ETNK1: variants seen among roughly 807,000 people sequenced by gnomAD.
The protein encoded by ETNK1 is ethanolamine kinase 1.
In ETNK1, 8 loss-of-function variants were observed where a neutral mutation model predicts 45.1. That is an observed-to-expected ratio of 0.18 (90% CI 0.10 to 0.32). ETNK1 has a LOEUF of 0.32. ETNK1 is among the 10% of genes least tolerant of loss of function. The probability of loss-of-function intolerance (pLI) is 1.00; values close to 1 mark genes in which losing one functional copy is unlikely to be tolerated. For missense variants in ETNK1, 302 were observed against 430.6 expected (o/e 0.70, Z 2.64); for synonymous variants, 152 against 151.9 (o/e 1.00, Z -0.01).
chr12:22,684,323 C>T (rs12308546), intron 6 of ETNK1, among the ~76,000 whole-genome samples, 160 bp from the exon 7 acceptor site: 7,093 of 152,024 alleles, frequency 0.047, 544 homozygotes, highest in African/African-American at 0.16. Context: ...CTAGTGGGTG[C>T]AGACGTCAGT....
intron 4 of ETNK1, among the ~76,000 whole-genome samples, chr12:22,664,219 C>G (rs1954033345): frequency 6.6e-6 from 1 of 151,680 alleles, no homozygotes; most frequent in African/African-American, 2.4e-5. Flanking sequence ...AATATGCAAA[C>G]TAGTTATATG....
At position 22,688,926 on chromosome 12, in the gene ETNK1, CT is replaced by C. The variant is rs1213044177; in HGVS notation, c.*3976del. 6 of 151,790 alleles carry C rather than the reference CT, an allele frequency of 4.0e-5. No homozygotes were observed. Among genetic ancestry groups the C allele is most frequent in the African/African-American group, 7.2e-5 (3 of 41,412 alleles). 9.4% of individuals were successfully genotyped at this position (151,790 alleles called of 1,614,324 possible). A position where few individuals can be genotyped will look rare whatever the true frequency, so the allele number is the denominator to read the frequency against. ...AACCACCTTATTTTAAAATTTTTAA[CT>C]TTTATATACCACTTGTGTGATTCCA... is the stretch of plus-strand genomic sequence containing the variant. On this transcript the variant is annotated 3_prime_UTR_variant, in exon 8 of 8. Transcript: ENST00000266517.
chr12:22,680,174 C>G (rs1357429364), intron 6 of ETNK1, among the ~76,000 whole-genome samples: 2 of 152,138 alleles, frequency 1.3e-5, no homozygotes, highest in Non-Finnish European at 2.9e-5. Flanking sequence ...AAGTTCTGTT[C>G]TTGGTTCCTA....
At chr12:22,659,205 G>T in intron 3 of ETNK1, 51 bp downstream of exon 3, 1 of 1,533,838 alleles carries the variant, frequency 6.5e-7, no homozygotes, top group Non-Finnish European at 8.9e-7. Context: ...TTTGCTCTAT[G>T]ATAGGGTTTC....
At chr12:22,663,679 A>G (rs1315384048) in intron 4 of ETNK1, among the ~76,000 whole-genome samples, 1 of 152,156 alleles carries the variant, frequency 6.6e-6, no homozygotes, top group Admixed American at 6.5e-5. Flanking sequence ...AGTTACTTGA[A>G]TTATACTTTT....
At chr12:22,628,149 T>C (rs1309569604) in intron 1 of ETNK1, among the ~76,000 whole-genome samples, 1 of 152,120 alleles carries the variant, frequency 6.6e-6, no homozygotes, top group Non-Finnish European at 1.5e-5. Flanking sequence ...TATAAAGCAC[T>C]TTCACATGCA....
At position 22,684,895 on chromosome 12, in the gene ETNK1, C is replaced by T. The variant is rs1465224773; in HGVS notation, c.1033C>T (p.Arg345Cys). Reference sequence around the variant, plus strand: ...TTTTCTCACTAGGTATGCAATTGTTCGTTTTAACCAGTACTTTAAAATGAA... The same window carrying T: ...TTTTCTCACTAGGTATGCAATTGTTTGTTTTAACCAGTACTTTAAAATGAA... ...EFDFLGYAIV[R>C]FNQYFKMKPE... is the part of the protein sequence containing the mutation. Residue 345 changes from arginine to cysteine, a missense_variant, in exon 8 of 8, where the codon CGT (arginine) becomes TGT (cysteine). This residue lies in a region of ETNK1 where 94 missense variants were observed against 152.9 expected (regional missense o/e 0.61). Coordinates refer to ENST00000266517, the MANE Select transcript of ETNK1 (RefSeq NM_018638.5). 2 of 1,603,766 alleles carry T rather than the reference C, an allele frequency of 1.2e-6. No homozygotes were observed. Among genetic ancestry groups the T allele is most frequent in the Non-Finnish European group, 8.5e-7 (1 of 1,176,534 alleles).
intron 1 of ETNK1, among the ~76,000 whole-genome samples, chr12:22,630,555 C>T (rs1001647980): frequency 2.6e-5 from 4 of 152,132 alleles, no homozygotes; most frequent in Non-Finnish European, 4.4e-5. Context: ...GTAGCTTACT[C>T]ATCATTTAGG....
At chr12:22,660,034 T>TAAA (rs371874842) in intron 3 of ETNK1, among the ~76,000 whole-genome samples, 23 of 122,534 alleles carry the variant, frequency 1.9e-4, no homozygotes, top group Non-Finnish European at 3.0e-4. Flanking sequence ...ACACTACCTT[T>TAAA]AAAAAAAAAA....
At chr12:22,674,946 TA>T (rs945479596) in intron 6 of ETNK1, among the ~76,000 whole-genome samples, 7 of 151,976 alleles carry the variant, frequency 4.6e-5, no homozygotes, top group South Asian at 2.1e-4. Context: ...ATTGGAAGAA[TA>T]AAAAAAATGC....
rs554940154 is a variant in ETNK1, at chr12:22,681,910, AT to A, written c.946-2572del. ...ATTTTGCCTTTTCAGATAATTGTGG[AT>A]ATTCTTTTTTGATACTAGACCAAAG... On this transcript the variant is annotated intron_variant, in intron 6 of 7. Transcript: ENST00000266517. 3.6e-3 allele frequency among the ~76,000 whole-genome samples: 544 copies of A among 152,158 alleles called. 4 individuals carry two copies. The highest frequency in any genetic ancestry group is 0.013 in the African/African-American group (520 of 41,540).
chr12:22,631,474 G>A (rs981299897), intron 1 of ETNK1, among the ~76,000 whole-genome samples: 4 of 151,964 alleles, frequency 2.6e-5, no homozygotes, highest in African/African-American at 7.3e-5. Flanking sequence ...TGCGCCCGGT[G>A]GTAAGTATTC....
intron 2 of ETNK1, among the ~76,000 whole-genome samples, chr12:22,649,155 A>G (rs1053385474): frequency 1.3e-5 from 2 of 151,950 alleles, no homozygotes; most frequent in Admixed American, 6.6e-5. Flanking sequence ...TTTTCTTCCA[A>G]TCTGTGCTTT....
Position 22,673,619 on chromosome 12 carries a change from G to A in ETNK1, c.904G>A (p.Glu302Lys). 1 of 1,613,948 alleles carries A rather than the reference G, an allele frequency of 6.2e-7. No homozygotes were observed. Among genetic ancestry groups the A allele is most frequent in the Non-Finnish European group, 8.5e-7 (1 of 1,179,914 alleles). Reference protein sequence around the residue: ...KGFGTEVTEKEVEILFIQVNQ... With the variant: ...KGFGTEVTEKKVEILFIQVNQ... ...CTTTGGGACTGAAGTTACTGAAAAG[G>A]AGGTAGAAATACTCTTCATTCAAGT... Residue 302 changes from glutamate to lysine, a missense_variant, in exon 6 of 8, where the codon GAG becomes AAG. Around this residue, in one of 3 missense-constraint regions of ETNK1, gnomAD observed 94 missense variants for 152.9 expected, o/e 0.61. Coordinates refer to ENST00000266517, the MANE Select transcript of ETNK1 (RefSeq NM_018638.5).
At chr12:22,637,147 A>G (rs771523370) in intron 1 of ETNK1, among the ~76,000 whole-genome samples, 2 of 152,170 alleles carry the variant, frequency 1.3e-5, no homozygotes, top group African/African-American at 2.4e-5. Flanking sequence ...AAGTCCACAC[A>G]AGCTCCATCT....
chr12:22,646,475 T>C (rs1953808313), intron 2 of ETNK1, among the ~76,000 whole-genome samples: 1 of 151,844 alleles, frequency 6.6e-6, no homozygotes, highest in African/African-American at 2.4e-5. Flanking sequence ...TATTCTGTGG[T>C]TAAAAAGAAT....
At chr12:22,625,886 C>A in intron 1 of ETNK1, 1 of 643,260 alleles carries the variant, frequency 1.6e-6, no homozygotes, top group Non-Finnish European at 2.9e-6. Context: ...CTCCCACTCC[C>A]CAGTCCACGG....
chr12:22,635,447 G>A lies in ETNK1; in HGVS notation c.157-8316G>A, dbSNP rs1156925786. ...TGTCTCCTCTCTGTGTAAGTAAAGC[G>A]TTGTTCCATGCAGTGCTTGACTGTG... On this transcript the variant is annotated intron_variant, in intron 1 of 7. Transcript: ENST00000266517. Among the ~76,000 whole-genome samples, 4 of 152,194 alleles carry A rather than the reference G, an allele frequency of 2.6e-5. 1 individual carries two copies. Among genetic ancestry groups the A allele is most frequent in the Admixed American group, 1.3e-4 (2 of 15,274 alleles).
chr12:22,634,330 T>C (rs1174404275), intron 1 of ETNK1, among the ~76,000 whole-genome samples: 2 of 152,184 alleles, frequency 1.3e-5, no homozygotes, highest in African/African-American at 4.8e-5. Flanking sequence ...TTTATTACTG[T>C]ATCAATTGCT....
Sources: gnomAD v4.1 joint callset for allele counts (sites outside exome capture counted in the v4.1 genomes callset) on GRCh38, gnomAD v4.1.1 for gene constraint, gnomAD v4.1.1 regional missense constraint, MANE v1.5 for transcripts, NCBI Gene and HGNC (gene_info 2026-07-23, HGNC 2026-07-21) for gene names.